SPATA17: variants seen among roughly 807,000 people sequenced by gnomAD.
SPATA17 encodes the protein spermatogenesis-associated protein 17.
In SPATA17, 53 loss-of-function variants were observed where a neutral mutation model predicts 62.2. The ratio of observed to expected loss-of-function variants is 0.85; its 90% CI spans 0.68 to 1.07. The LOEUF (loss-of-function observed/expected upper bound fraction) is 1.07, where lower values mean the gene tolerates loss of function less well. SPATA17 is among the 50% of genes least tolerant of loss of function. SPATA17 has a pLI of 0.00. For synonymous variants in SPATA17, 146 were observed against 146.8 expected (o/e 0.99, Z 0.04); for missense variants, 466 against 425.5 (o/e 1.10, Z -0.84).
chr1:217,718,219 G>A (rs1672051010), intron 5 of SPATA17, among the ~76,000 whole-genome samples: 1 of 152,120 alleles, frequency 6.6e-6, no homozygotes, highest in East Asian at 1.9e-4. Flanking sequence ...CCTCAAAACT[G>A]CTTTTGCCCT....
At chr1:217,661,340 C>T (rs1461076326) in intron 3 of SPATA17, among the ~76,000 whole-genome samples, 1 of 151,710 alleles carries the variant, frequency 6.6e-6, no homozygotes, top group Non-Finnish European at 1.5e-5. Flanking sequence ...GAAGTTCAAG[C>T]AGAAAGAGGA....
chr1:217,849,387 AT>A (rs1252866117), intron 9 of SPATA17, among the ~76,000 whole-genome samples: 2 of 152,092 alleles, frequency 1.3e-5, no homozygotes, highest in African/African-American at 4.8e-5. Flanking sequence ...TTCTACTTGA[AT>A]TTTTTGGAAA....
intron 2 of SPATA17, among the ~76,000 whole-genome samples, chr1:217,649,987 T>A (rs137867020): frequency 0.014 from 2,025 of 149,458 alleles, 113 homozygotes; most frequent in Admixed American, 0.11. Flanking sequence ...TTGTCCAGGC[T>A]GCAGTGCAAT....
rs1403516778 is a variant in SPATA17 at position 217,869,402 on chromosome 1, T to C, written c.*2383T>C. ...GGCAGACTTCAGAGAGCATAGATTG[T>C]AAATGTTTCTTATCTGACTTAAAAA... is the stretch of plus-strand genomic sequence containing the variant. On this transcript the variant is annotated 3_prime_UTR_variant, in exon 11 of 11. Coordinates refer to ENST00000366933, the MANE Select transcript of SPATA17 (RefSeq NM_138796.4). The C allele has an allele frequency of 2.6e-5, 4 of 152,146 alleles. No individual in the cohort carries two copies. Among genetic ancestry groups the C allele is most frequent in the Non-Finnish European group, 5.9e-5 (4 of 68,018 alleles). 9.4% of individuals were successfully genotyped at this position (152,146 alleles called of 1,614,324 possible).
chr1:217,673,267 G>T (rs1028190183), intron 4 of SPATA17, among the ~76,000 whole-genome samples: 8 of 152,090 alleles, frequency 5.3e-5, no homozygotes, highest in Admixed American at 2.0e-4. Context: ...AAGGAGGTTT[G>T]CTGTGATATA....
intron 3 of SPATA17, among the ~76,000 whole-genome samples, chr1:217,664,549 C>G (rs1328405163): frequency 6.6e-6 from 1 of 152,010 alleles, no homozygotes; most frequent in African/African-American, 2.4e-5. Flanking sequence ...CCCACCTCAG[C>G]CTCCCAAAAT....
rs1416528729 is a variant in SPATA17, at chr1:217,862,789, T to C, written c.1021T>C (p.Leu341=). 1 of 1,610,110 alleles carries C rather than the reference T, an allele frequency of 6.2e-7. No homozygotes were observed. The highest frequency in any genetic ancestry group is 1.7e-5 in the Admixed American group (1 of 59,828). ...TTCCTCCTAGGATTTCCAGACTGTATTACCATCATTTGAGCTCTTCTCAAA... is the reference window on the plus strand; with the variant it reads ...TTCCTCCTAGGATTTCCAGACTGTACTACCATCATTTGAGCTCTTCTCAAA... ...WICDKDFQTV[L]PSFELFSKYG... is the part of the protein sequence containing the mutation. Residue 341 remains leucine, a synonymous_variant, in exon 10 of 11, where the codon TTA becomes CTA. Transcript: ENST00000366933.
intron 6 of SPATA17, 135 bp downstream of exon 6, chr1:217,742,233 G>A (rs1003005458): frequency 1.6e-6 from 2 of 1,226,788 alleles, no homozygotes; most frequent in African/African-American, 3.0e-5. Flanking sequence ...TCAATTTCGT[G>A]CTTCTGTGTA....
intron 6 of SPATA17, among the ~76,000 whole-genome samples, chr1:217,755,794 C>T (rs1236336691): frequency 6.6e-6 from 1 of 151,864 alleles, no homozygotes; most frequent in Non-Finnish European, 1.5e-5. Flanking sequence ...CATAAGTTAA[C>T]TTACGATCAT....
At chr1:217,647,312 G>A (rs1247046109) in intron 1 of SPATA17, among the ~76,000 whole-genome samples, 2 of 152,172 alleles carry the variant, frequency 1.3e-5, no homozygotes, top group Non-Finnish European at 2.9e-5. Context: ...AGGTTTCAAT[G>A]TTGGGAGTAG....
At chr1:217,804,595 A>G (rs1674390671) in intron 9 of SPATA17, among the ~76,000 whole-genome samples, 1 of 152,180 alleles carries the variant, frequency 6.6e-6, no homozygotes, top group Non-Finnish European at 1.5e-5. Context: ...CAACAGCGTA[A>G]AGAGACAAAC....
intron 6 of SPATA17, among the ~76,000 whole-genome samples, chr1:217,743,408 T>A (rs1672671577): frequency 6.6e-6 from 1 of 152,054 alleles, no homozygotes; most frequent in African/African-American, 2.4e-5. Flanking sequence ...AATTTCAACT[T>A]TCATTAAACT....
chr1:217,757,621 A>G (rs1225151081), intron 6 of SPATA17, among the ~76,000 whole-genome samples: 1 of 152,188 alleles, frequency 6.6e-6, no homozygotes, highest in Non-Finnish European at 1.5e-5. Flanking sequence ...ACTTCCCACT[A>G]ACTAGATTTG....
intron 6 of SPATA17, among the ~76,000 whole-genome samples, chr1:217,755,976 C>A (rs1247928222): frequency 6.6e-6 from 1 of 151,952 alleles, no homozygotes. Flanking sequence ...CCTTCTATGT[C>A]TTAATAAAGC....
At position 217,668,602 on chromosome 1, in the gene SPATA17, C is replaced by G. The variant is rs79540918; in HGVS notation, c.241-431C>G. 6.4e-3 allele frequency among the ~76,000 whole-genome samples: 974 copies of G among 152,244 alleles called. 8 individuals carry two copies. Among genetic ancestry groups the G allele is most frequent in the African/African-American group, 0.022 (922 of 41,554 alleles). On this transcript the variant is annotated intron_variant, in intron 3 of 10. Coordinates refer to ENST00000366933, the MANE Select transcript of SPATA17 (RefSeq NM_138796.4). ...CTTGAACGATTTCAACTGAAGACAG[C>G]ATTTCTTTGAATTTTTCATTAAACC...
At chr1:217,718,303 C>T (rs1484734678) in intron 5 of SPATA17, among the ~76,000 whole-genome samples, 1 of 151,400 alleles carries the variant, frequency 6.6e-6, no homozygotes, top group Admixed American at 6.6e-5. Context: ...ATTGCGGGAG[C>T]AGGAGGAAAA....
chr1:217,655,578 G>A (rs576083372), intron 3 of SPATA17, among the ~76,000 whole-genome samples: 4 of 152,180 alleles, frequency 2.6e-5, no homozygotes, highest in African/African-American at 9.6e-5. Context: ...TATTACTATA[G>A]ATCTTCAACA....
intron 5 of SPATA17, among the ~76,000 whole-genome samples, chr1:217,684,566 C>T (rs912325731): frequency 6.6e-6 from 1 of 152,024 alleles, no homozygotes; most frequent in Non-Finnish European, 1.5e-5. Flanking sequence ...AGTTGCATGC[C>T]ACCACGCCCA....
intron 5 of SPATA17, among the ~76,000 whole-genome samples, chr1:217,729,448 T>A (rs912260833): frequency 8.5e-5 from 13 of 152,230 alleles, no homozygotes; most frequent in Non-Finnish European, 1.8e-4. Flanking sequence ...AAGTAAATGA[T>A]AGCATTTTAG....
Sources: allele counts gnomAD v4.1 joint callset (sites outside exome capture counted in the v4.1 genomes callset), GRCh38; gene constraint gnomAD v4.1.1; transcripts MANE v1.5; gene names NCBI Gene and HGNC (gene_info 2026-07-23, HGNC 2026-07-21).